GABBR2: variants seen among roughly 807,000 people sequenced by gnomAD.
GABBR2 encodes G-protein coupled receptor 51.
GABBR2 carries 23 observed loss-of-function variants against 105.6 expected under a neutral mutation model. The ratio of observed to expected loss-of-function variants is 0.22; its 90% CI spans 0.16 to 0.31. GABBR2 has a LOEUF of 0.31. Among genes scored for constraint, GABBR2 ranks in the 10% least tolerant of loss-of-function variants. GABBR2 has a pLI of 1.00. For missense variants in GABBR2, 734 were observed against 1,245.5 expected (o/e 0.59, Z 6.18); for synonymous variants, 478 against 499.7 (o/e 0.96, Z 0.58).
chr9:98,423,142 G>A (rs1239691206), intron 7 of GABBR2, among the ~76,000 whole-genome samples: 1 of 152,172 alleles, frequency 6.6e-6, no homozygotes, highest in Non-Finnish European at 1.5e-5. Flanking sequence ...TGGGATGGCT[G>A]GGTCAAATGG....
chr9:98,436,391 A>AC (rs1825924684), intron 7 of GABBR2, among the ~76,000 whole-genome samples: 1 of 43,798 alleles, frequency 2.3e-5, no homozygotes, highest in African/African-American at 7.9e-5. Context: ...ATATATATAT[A>AC]TATATATATA....
At chr9:98,571,621 G>C (rs963808523) in intron 2 of GABBR2, among the ~76,000 whole-genome samples, 1 of 152,160 alleles carries the variant, frequency 6.6e-6, no homozygotes, top group Non-Finnish European at 1.5e-5. Context: ...AATTTGCACT[G>C]TTACCAAGAA....
intron 13 of GABBR2, among the ~76,000 whole-genome samples, chr9:98,350,828 A>C (rs1831386527): frequency 6.6e-6 from 1 of 152,154 alleles, no homozygotes; most frequent in Non-Finnish European, 1.5e-5. Flanking sequence ...CCAATGCTAA[A>C]AAGTGGGGTG....
At chr9:98,312,732 C>T (rs1394750764) in intron 13 of GABBR2, among the ~76,000 whole-genome samples, 1 of 152,112 alleles carries the variant, frequency 6.6e-6, no homozygotes, top group Non-Finnish European at 1.5e-5. Flanking sequence ...CTTTCCTTTC[C>T]TCCCATTTAT....
At chr9:98,369,794 T>C (rs1281160890) in intron 12 of GABBR2, among the ~76,000 whole-genome samples, 1 of 149,854 alleles carries the variant, frequency 6.7e-6, no homozygotes, top group Admixed American at 6.6e-5. Flanking sequence ...TTGAAGAGTG[T>C]GTGCAGGGGG....
chr9:98,634,647 C>G (rs1420323046), intron 1 of GABBR2, among the ~76,000 whole-genome samples: 1 of 152,184 alleles, frequency 6.6e-6, no homozygotes, highest in East Asian at 1.9e-4. Context: ...TTTTGGACTT[C>G]TAGCCTCCAG....
chr9:98,608,562 C>T (rs1471066214), intron 1 of GABBR2, among the ~76,000 whole-genome samples: 1 of 152,096 alleles, frequency 6.6e-6, no homozygotes, highest in Non-Finnish European at 1.5e-5. Context: ...ACAAAGGTTC[C>T]ATTCAATGCA....
chr9:98,584,506 G>A (rs1016199804), intron 1 of GABBR2, among the ~76,000 whole-genome samples: 2 of 152,014 alleles, frequency 1.3e-5, no homozygotes, highest in African/African-American at 4.8e-5. Context: ...ATCACCATTG[G>A]CACATATAGG....
chr9:98,403,522 C>T (rs1832435861), intron 8 of GABBR2, among the ~76,000 whole-genome samples: 1 of 151,950 alleles, frequency 6.6e-6, no homozygotes, highest in South Asian at 2.1e-4. Context: ...CCCTGGACCT[C>T]AGTTTCCCCA....
chr9:98,461,883 C>T (rs1826430518), intron 6 of GABBR2, among the ~76,000 whole-genome samples: 1 of 152,166 alleles, frequency 6.6e-6, no homozygotes, highest in Non-Finnish European at 1.5e-5. Flanking sequence ...GGGAAGGTGT[C>T]ACACACCTTA....
rs577308614 is a variant in GABBR2 at position 98,513,927 on chromosome 9, A to G, written c.631-17413T>C. Reference sequence around the variant, plus strand: ...ACTGGGTATATACCCACAGGACTATAAATCATGCTGCTATAAAGACACATG... The same window carrying G: ...ACTGGGTATATACCCACAGGACTATGAATCATGCTGCTATAAAGACACATG... On this transcript the variant is annotated intron_variant, in intron 3 of 18. Transcript: ENST00000259455. Among the ~76,000 whole-genome samples the G allele has an allele frequency of 9.2e-5, 14 of 152,330 alleles. 1 individual carries two copies. In the South Asian group the frequency reaches 2.9e-3, roughly 32 times the overall value.
intron 16 of GABBR2, chr9:98,302,943 T>C: frequency 2.5e-6 from 1 of 397,036 alleles, no homozygotes; most frequent in Non-Finnish European, 4.5e-6. Context: ...CGTAGGAAGC[T>C]ATGATAATCC....
chr9:98,658,253 G>C (rs1338697074), intron 1 of GABBR2, among the ~76,000 whole-genome samples: 1 of 152,136 alleles, frequency 6.6e-6, no homozygotes, highest in Admixed American at 6.5e-5. Flanking sequence ...GAATCACCAA[G>C]GGAGGTATTT....
At chr9:98,370,076 A>G (rs923257363) in intron 12 of GABBR2, among the ~76,000 whole-genome samples, 2 of 152,038 alleles carry the variant, frequency 1.3e-5, no homozygotes, top group African/African-American at 4.8e-5. Context: ...CTGAGGATGG[A>G]ACAAAAGAGA....
chr9:98,311,863 T>C (rs943530448), intron 13 of GABBR2, among the ~76,000 whole-genome samples: 3 of 152,214 alleles, frequency 2.0e-5, no homozygotes, highest in Non-Finnish European at 4.4e-5. Context: ...TGAGGGTTGA[T>C]GGAGAGGATC....
At chr9:98,549,331 CT>C (rs529356725) in intron 2 of GABBR2, among the ~76,000 whole-genome samples, 4 of 57,562 alleles carry the variant, frequency 6.9e-5, no homozygotes, top group African/African-American at 1.6e-4. Flanking sequence ...GCCAAATACC[CT>C]TTTTTTTCAT....
At chr9:98,617,583 C>G (rs1455855443) in intron 1 of GABBR2, among the ~76,000 whole-genome samples, 4 of 152,158 alleles carry the variant, frequency 2.6e-5, no homozygotes, top group Admixed American at 2.0e-4. Context: ...GAAGGAATGA[C>G]AAGGGAGATG....
chr9:98,487,492 T>C (rs953689256), intron 4 of GABBR2, among the ~76,000 whole-genome samples: 2 of 152,134 alleles, frequency 1.3e-5, no homozygotes, highest in South Asian at 2.1e-4. Context: ...AGCCACATCC[T>C]GGCTGGGCTC....
chr9:98,454,967 G>A lies in GABBR2; in HGVS notation c.1000-750C>T, dbSNP rs1564075815. 6.6e-6 allele frequency among the ~76,000 whole-genome samples: 1 copy of A among 152,188 alleles called. No individual in the cohort carries two copies. Among genetic ancestry groups the A allele is most frequent in the South Asian group, 2.1e-4 (1 of 4,830 alleles). Reference sequence around the variant, plus strand: ...GGGCACAGTCTGGAAGCTGGAAGGGGTGCAGGTCTGAGTGGGCTGTGTCCG... The same window carrying A: ...GGGCACAGTCTGGAAGCTGGAAGGGATGCAGGTCTGAGTGGGCTGTGTCCG... On this transcript the variant is annotated intron_variant, in intron 6 of 18. Transcript: ENST00000259455. This position sits in a 1 kb window ranked among gnomAD's most constrained non-coding sequence, Gnocchi z 4.6.
Sources: gnomAD v4.1 joint callset for allele counts (sites outside exome capture counted in the v4.1 genomes callset) on GRCh38, gnomAD v4.1.1 for gene constraint, Gnocchi (gnomAD v3.1) non-coding constraint, MANE v1.5 for transcripts, NCBI Gene and HGNC (gene_info 2026-07-23, HGNC 2026-07-21) for gene names.